Variants in MYH11 observed in about 807,000 individuals in gnomAD.
The protein encoded by MYH11 is myosin heavy chain 11, also known as myosin-11.
MYH11 carries 80 observed loss-of-function variants against 246.6 expected under a neutral mutation model. That is an observed-to-expected ratio of 0.32 (90% CI 0.27 to 0.39). The LOEUF is 0.39. Among genes scored for constraint, MYH11 ranks in the 10% least tolerant of loss-of-function variants. The pLI, the probability that MYH11 is intolerant of heterozygous loss-of-function variation, is 1.00. For missense variants in MYH11, 2,158 were observed against 2,546.8 expected, an observed-to-expected ratio of 0.85 and a Z score of 3.29; for synonymous variants, 1,071 against 1,015.5, an observed-to-expected ratio of 1.05 and a Z score of -1.04.
chr16:15,741,111 C>T (rs2041259984), intron 22 of MYH11: 7 of 408,738 alleles, frequency 1.7e-5, no homozygotes, highest in South Asian at 1.5e-4. Flanking sequence ...AACCACTCAC[C>T]TAAGCCACTC....
intron 7 of MYH11, among the ~76,000 whole-genome samples, chr16:15,777,128 C>CAT (rs1491107594): frequency 1.3e-5 from 2 of 151,866 alleles, no homozygotes; most frequent in Non-Finnish European, 2.9e-5. Flanking sequence ...CACACACACA[C>CAT]GCACGTATGT....
At chr16:15,757,017 C>G (rs1042192124) in intron 13 of MYH11, among the ~76,000 whole-genome samples, 1 of 150,464 alleles carries the variant, frequency 6.6e-6, no homozygotes, top group Non-Finnish European at 1.5e-5. Flanking sequence ...CCAGGATGGT[C>G]TCCATCTCCT....
At chr16:15,786,535 G>A in intron 5 of MYH11, 95 bp downstream of exon 5, 1 of 1,214,618 alleles carries the variant, frequency 8.2e-7, no homozygotes, top group Non-Finnish European at 1.2e-6. Flanking sequence ...TGGGGCCTGA[G>A]TTCTTGCAAT....
At chr16:15,843,378 A>G (rs1254721217) in intron 1 of MYH11, among the ~76,000 whole-genome samples, 3 of 150,676 alleles carry the variant, frequency 2.0e-5, no homozygotes, top group Non-Finnish European at 3.0e-5. Context: ...CAAGGAAGGA[A>G]GGAAGGAAAG....
chr16:15,754,148 C>T (rs1377087272), intron 14 of MYH11, among the ~76,000 whole-genome samples: 4 of 151,976 alleles, frequency 2.6e-5, no homozygotes, highest in Non-Finnish European at 5.9e-5. Context: ...GCCTGGGAGG[C>T]GGAGATTGCA....
At chr16:15,778,902 G>T (rs925060987) in intron 6 of MYH11, 59 bp from the exon 7 acceptor site, 11 of 1,534,082 alleles carry the variant, frequency 7.2e-6, no homozygotes, top group Non-Finnish European at 9.0e-6. Flanking sequence ...TTAACCCCAT[G>T]CTGTGGGCAA....
chr16:15,757,811 C>T lies in MYH11; in HGVS notation c.1575+16G>A. On this transcript the variant is annotated intron_variant, in intron 13 of 40. Transcript: ENST00000300036. ...ACAAGGTGTGACGGAGCCCCGCACG[C>T]CCACGTGCCCCTCACCGGTCGCTCG... is the stretch of plus-strand genomic sequence containing the variant. 1 of 1,614,178 alleles carries T rather than the reference C, an allele frequency of 6.2e-7. No individual in the cohort carries two copies. The highest frequency in any genetic ancestry group is 1.6e-4 in the Middle Eastern group (1 of 6,062).
Position 15,720,327 on chromosome 16 carries a change from G to C in MYH11, c.4792-15C>G, listed in dbSNP as rs753012907. 6.2e-7 allele frequency: 1 copy of C among 1,612,160 alleles called. No homozygotes were observed. Among genetic ancestry groups the C allele is most frequent in the Non-Finnish European group, 8.5e-7 (1 of 1,179,156 alleles). ...TACTCGTGAAGCTGGGCGAGGAATA[G>C]AGATGTGTGCTGCCCCACTTGCCCC... On this transcript the variant is annotated splice_polypyrimidine_tract_variant and intron_variant, in intron 33 of 40. Transcript: ENST00000300036.
chr16:15,725,000 T>A lies in MYH11; in HGVS notation c.3859-8A>T. On this transcript the variant is annotated splice_region_variant and splice_polypyrimidine_tract_variant and intron_variant, in intron 28 of 40. Transcript: ENST00000300036. ...GACGCTCTCAACTTCATTCTAAGGGTGCCAAGAGACTGGTTAGTCAAAGCC... is the reference window on the plus strand; with the variant it reads ...GACGCTCTCAACTTCATTCTAAGGGAGCCAAGAGACTGGTTAGTCAAAGCC... 1 of 1,613,050 alleles carries A rather than the reference T, an allele frequency of 6.2e-7. No individual in the cohort carries two copies. The highest frequency in any genetic ancestry group is 8.5e-7 in the Non-Finnish European group (1 of 1,179,486).
At position 15,825,273 on chromosome 16, in the gene MYH11, G is replaced by C. The variant is rs186734329; in HGVS notation, c.346-1862C>G. 1.1e-4 allele frequency among the ~76,000 whole-genome samples: 17 copies of C among 151,914 alleles called. No individual in the cohort carries two copies. The East Asian group carries it at 1.7e-3, about 16-fold the overall frequency. On this transcript the variant is annotated intron_variant, in intron 2 of 40. Transcript: ENST00000300036. ...GGCTATAAAAATGCTCTGGGGCCAA[G>C]TGTAGTGGCTCATGCCTGTAATCCC... is the stretch of plus-strand genomic sequence containing the variant.
chr16:15,785,370 G>A (rs1326015934), intron 5 of MYH11: 2 of 151,992 alleles, frequency 1.3e-5, no homozygotes, highest in Non-Finnish European at 2.9e-5. Flanking sequence ...GGAAGGCAGT[G>A]GAAACTGTGT....
At chr16:15,735,282 T>C (rs906538316) in intron 26 of MYH11, 84 bp downstream of exon 26, 44 of 1,481,306 alleles carry the variant, frequency 3.0e-5, no homozygotes, top group Non-Finnish European at 4.0e-5. Flanking sequence ...TGATGCACGA[T>C]TTGCTTTGGG....
Position 15,718,360 on chromosome 16 carries a change from G to A in MYH11, c.5250C>T (p.Gly1750=). The change falls in exon 37 of 41, where the codon GGC becomes GGT. Residue 1750 remains glycine (G), a synonymous_variant. Transcript: ENST00000300036. The part of the protein sequence containing the change: ...QLEEELEEEQ[G]NMEAMSDRVR... Reference sequence around the variant, plus strand: ...CCCGGTCGCTCATGGCCTCCATGTTGCCCTGCTCCTCCTCCAGCTCCTCCT... The same window carrying A: ...CCCGGTCGCTCATGGCCTCCATGTTACCCTGCTCCTCCTCCAGCTCCTCCT... 1 of 1,602,072 alleles carries A rather than the reference G, an allele frequency of 6.2e-7. No homozygotes were observed. Among genetic ancestry groups the A allele is most frequent in the Non-Finnish European group, 8.5e-7 (1 of 1,175,890 alleles).
In MYH11 at chr16:15,737,443, C is replaced by T. The variant is rs370658839; in HGVS notation, c.3293+6G>A. 8.5e-5 allele frequency: 137 copies of T among 1,611,396 alleles called. No individual in the cohort carries two copies. In the East Asian group the frequency reaches 8.7e-4, roughly 10 times the overall value. On this transcript the variant is annotated splice_donor_region_variant and intron_variant, in intron 25 of 40. Transcript: ENST00000300036. Reference sequence around the variant, plus strand: ...CACAGCAAATGCCCCTTGCCAGCCCCGCTACCTGGCCAGGGCCGCCTGCAG... The same window carrying T: ...CACAGCAAATGCCCCTTGCCAGCCCTGCTACCTGGCCAGGGCCGCCTGCAG...
In MYH11 at chr16:15,741,499, T is replaced by C. The variant is rs1454348992; in HGVS notation, c.2823A>G (p.Leu941=). 6 of 1,609,234 alleles carry C rather than the reference T, an allele frequency of 3.7e-6. No individual in the cohort carries two copies. The highest frequency in any genetic ancestry group is 5.1e-6 in the Non-Finnish European group (6 of 1,180,006). Residue 941 remains leucine, a synonymous_variant, in exon 22 of 41, where the codon CTA becomes CTG. Transcript: ENST00000300036. ...LEEEEDRGQQ[L]QAERKKMAQQ... is the part of the protein sequence containing the mutation. The stretch of plus-strand genomic sequence containing the variant: ...GGGCCATCTTCTTCCTTTCAGCCTG[T>C]AGCTGCTGGCCCCTGTCTTCCTCCT...
At chr16:15,767,673 C>T (rs1042645986) in intron 9 of MYH11, among the ~76,000 whole-genome samples, 2 of 152,046 alleles carry the variant, frequency 1.3e-5, no homozygotes, top group African/African-American at 4.8e-5. Context: ...GAATCAAGTA[C>T]AAGATCTCAA....
Position 15,719,646 on chromosome 16 carries a change from G to A in MYH11, c.5021C>T (p.Thr1674Ile). 6.2e-7 allele frequency: 1 copy of A among 1,614,162 alleles called. No individual in the cohort carries two copies. Among genetic ancestry groups the A allele is most frequent in the South Asian group, 1.1e-5 (1 of 91,084 alleles). ...ARASRDEIFA[T>I]AKENEKKAKS... ...GGCTTTCTTCTCATTCTCTTTGGCT[G>A]TGGCAAAGATCTCATCTCTGGAGGC... Residue 1674 changes from threonine (T) to isoleucine (I), a missense_variant, in exon 35 of 41, where the codon ACA (threonine) becomes ATA (isoleucine). Coordinates refer to ENST00000300036, the MANE Select transcript of MYH11 (RefSeq NM_002474.3).
chr16:15,770,612 C>G (rs535909090), intron 9 of MYH11, among the ~76,000 whole-genome samples: 274 of 152,292 alleles, frequency 1.8e-3, no homozygotes, highest in African/African-American at 6.3e-3. Context: ...ATCACTCCCC[C>G]TCCCCTAAAC....
At chr16:15,824,458 T>A (rs1227564319) in intron 2 of MYH11, among the ~76,000 whole-genome samples, 2 of 152,034 alleles carry the variant, frequency 1.3e-5, no homozygotes, top group African/African-American at 4.8e-5. Flanking sequence ...TTATTTTGTT[T>A]TTTGTAGAGA....
Sources: allele counts gnomAD v4.1 joint callset (sites outside exome capture counted in the v4.1 genomes callset), GRCh38; gene constraint gnomAD v4.1.1; transcripts MANE v1.5; gene names NCBI Gene and HGNC (gene_info 2026-07-23, HGNC 2026-07-21).